Variants in CSMD1 observed in about 807,000 individuals in gnomAD.
CSMD1 encodes CUB and Sushi multiple domains 1.
CSMD1 carries 213 observed loss-of-function variants against 417.5 expected under a neutral mutation model. That is an observed-to-expected ratio of 0.51 (90% CI 0.46 to 0.57). The LOEUF (loss-of-function observed/expected upper bound fraction) is 0.57, where lower values mean the gene tolerates loss of function less well. Among genes scored for constraint, CSMD1 ranks in the 20% least tolerant of loss-of-function variants. The pLI, the probability that CSMD1 is intolerant of heterozygous loss-of-function variation, is 0.00. For synonymous variants in CSMD1, 2,862 were observed against 1,736.8 expected, an observed-to-expected ratio of 1.65 and a Z score of -16.11; for missense variants, 6,923 against 4,529.7, an observed-to-expected ratio of 1.53 and a Z score of -15.17.
rs559232749 is a variant in CSMD1 at position 3,308,471 on chromosome 8, T to A, written c.3664A>T (p.Ile1222Phe). The change falls in exon 24 of 70, where the codon ATC becomes TTC. Residue 1222 changes from isoleucine (I) to phenylalanine (F), a missense_variant. Ile to Phe is a conservative substitution (Grantham distance 21). Coordinates refer to ENST00000635120, the MANE Select transcript of CSMD1 (RefSeq NM_033225.6). ...FDLVKCEDPG[I>F]PNYGYRIRDE... ...CGGATCCTATAGCCGTAGTTAGGGA[T>A]GCCCGGATCCTCACATTTTACCAGA... 2 of 1,613,364 alleles carry A rather than the reference T, an allele frequency of 1.2e-6. No homozygotes were observed. Among genetic ancestry groups the A allele is most frequent in the African/African-American group, 2.7e-5 (2 of 75,044 alleles).
intron 23 of CSMD1, among the ~76,000 whole-genome samples, chr8:3,312,229 T>G (rs1196912688): frequency 6.6e-6 from 1 of 152,220 alleles, no homozygotes. Context: ...AGTTTTTCTT[T>G]CTGCTTAAAC....
chr8:4,470,265 C>T (rs781120811), intron 2 of CSMD1, among the ~76,000 whole-genome samples: 2 of 152,168 alleles, frequency 1.3e-5, no homozygotes, highest in Non-Finnish European at 2.9e-5. Flanking sequence ...GGGGCTCCTC[C>T]TCTATCCCGA....
chr8:3,570,292 G>C (rs117351657), intron 10 of CSMD1, among the ~76,000 whole-genome samples: 1 of 152,224 alleles, frequency 6.6e-6, no homozygotes, highest in Non-Finnish European at 1.5e-5. Flanking sequence ...TTGCCTGGAT[G>C]TGATGGATAT....
chr8:4,238,344 C>T (rs549517017), intron 3 of CSMD1, among the ~76,000 whole-genome samples: 3 of 152,306 alleles, frequency 2.0e-5, no homozygotes, highest in African/African-American at 7.2e-5. Context: ...GGTGGTCCTC[C>T]AGCTCCCAGC....
At chr8:3,030,293 A>C (rs753865296) in intron 50 of CSMD1, among the ~76,000 whole-genome samples, 3 of 152,056 alleles carry the variant, frequency 2.0e-5, no homozygotes, top group Non-Finnish European at 2.9e-5. Flanking sequence ...ATGATTTAAA[A>C]TACATTACAC....
At chr8:4,278,563 G>A (rs1796610127) in intron 3 of CSMD1, among the ~76,000 whole-genome samples, 1 of 152,078 alleles carries the variant, frequency 6.6e-6, no homozygotes. Context: ...ATAACAAAAC[G>A]TTAGATAACA....
intron 2 of CSMD1, among the ~76,000 whole-genome samples, chr8:4,442,079 G>C (rs746736854): frequency 7.9e-5 from 12 of 152,222 alleles, no homozygotes; most frequent in Non-Finnish European, 1.3e-4. Flanking sequence ...CTCAGAGTTT[G>C]AGTTGTAGAA....
chr8:4,899,834 A>C (rs1270929094), intron 1 of CSMD1, among the ~76,000 whole-genome samples: 2 of 152,178 alleles, frequency 1.3e-5, no homozygotes, highest in African/African-American at 2.4e-5. Context: ...ACAAATAAGC[A>C]GGTCTTGCAG....
At chr8:4,119,505 G>A (rs150744880) in intron 3 of CSMD1, among the ~76,000 whole-genome samples, 4 of 152,302 alleles carry the variant, frequency 2.6e-5, no homozygotes, top group East Asian at 3.9e-4. Flanking sequence ...CAATGTCCTG[G>A]TATTTGTAGG....
intron 3 of CSMD1, among the ~76,000 whole-genome samples, chr8:4,162,218 T>C (rs1257628655): frequency 2.0e-5 from 3 of 152,236 alleles, no homozygotes; most frequent in Non-Finnish European, 4.4e-5. Flanking sequence ...CTTTTAATTG[T>C]TATGTTACCA....
chr8:3,860,863 T>C (rs1804652374), intron 5 of CSMD1, among the ~76,000 whole-genome samples: 1 of 152,216 alleles, frequency 6.6e-6, no homozygotes, highest in Non-Finnish European at 1.5e-5. Flanking sequence ...CATGAAAAGA[T>C]CCAAAGTTCA....
intron 5 of CSMD1, among the ~76,000 whole-genome samples, chr8:3,790,192 G>C (rs1266875650): frequency 1.3e-5 from 2 of 152,172 alleles, no homozygotes; most frequent in African/African-American, 4.8e-5. Flanking sequence ...GAACTCTTTT[G>C]CATCTAGTGA....
At chr8:3,533,806 G>T (rs1324564719) in intron 10 of CSMD1, among the ~76,000 whole-genome samples, 1 of 152,120 alleles carries the variant, frequency 6.6e-6, no homozygotes, top group East Asian at 1.9e-4. Flanking sequence ...TGGAAAACAT[G>T]AAAGTTCACT....
At chr8:3,536,850 T>A (rs1347095458) in intron 10 of CSMD1, among the ~76,000 whole-genome samples, 1 of 152,218 alleles carries the variant, frequency 6.6e-6, no homozygotes, top group African/African-American at 2.4e-5. Context: ...CGGTCCGTGT[T>A]CTGTGGCTCA....
At chr8:3,686,685 C>G (rs867869589) in intron 7 of CSMD1, among the ~76,000 whole-genome samples, 2 of 152,198 alleles carry the variant, frequency 1.3e-5, no homozygotes, top group Non-Finnish European at 2.9e-5. Context: ...GGTCACTTCT[C>G]TAGCCGATCC....
chr8:4,115,226 T>C lies in CSMD1; in HGVS notation c.416-83127A>G, dbSNP rs766677065. On this transcript the variant is annotated intron_variant, in intron 3 of 69. Transcript: ENST00000635120. The stretch of plus-strand genomic sequence containing the variant: ...CTTGGTAAGTCAGCAGCCACCAACA[T>C]TGAGGCAAGAGCTTCCAGTAGCAAA... Among the ~76,000 whole-genome samples, 4 of 152,198 alleles carry C rather than the reference T, an allele frequency of 2.6e-5. No individual in the cohort carries two copies. The South Asian group carries it at 6.2e-4, about 24-fold the overall frequency.
chr8:2,944,606 T>C (rs139987026), intron 68 of CSMD1, among the ~76,000 whole-genome samples: 1 of 152,324 alleles, frequency 6.6e-6, no homozygotes, highest in African/African-American at 2.4e-5. Context: ...TTTGGTTTCG[T>C]TTGGTTTGGG....
rs749660854 is a variant in CSMD1 at position 4,534,128 on chromosome 8, G to T, written c.302+103214C>A. Among the ~76,000 whole-genome samples the T allele has an allele frequency of 7.2e-5, 11 of 152,036 alleles. No homozygotes were observed. In the East Asian group the frequency reaches 7.7e-4, roughly 11 times the overall value. The stretch of plus-strand genomic sequence containing the variant: ...TACACAATCTTAAGCTATCTTAATG[G>T]CATTTGTCAGAACTTTTGAGCTGAT... On this transcript the variant is annotated intron_variant, in intron 2 of 69. Transcript: ENST00000635120.
At chr8:4,700,080 A>C (rs1807422466) in intron 1 of CSMD1, among the ~76,000 whole-genome samples, 1 of 152,166 alleles carries the variant, frequency 6.6e-6, no homozygotes, top group African/African-American at 2.4e-5. Context: ...TAATGAGATG[A>C]AGGAGCTCAC....
Sources: gnomAD v4.1 joint callset for allele counts (sites outside exome capture counted in the v4.1 genomes callset) on GRCh38, gnomAD v4.1.1 for gene constraint, MANE v1.5 for transcripts, NCBI Gene and HGNC (gene_info 2026-07-23, HGNC 2026-07-21) for gene names.